SHROOM3: variants seen among roughly 807,000 people sequenced by gnomAD.
The protein encoded by SHROOM3 is protein Shroom3.
Under a neutral mutation model 138.6 loss-of-function variants are expected in SHROOM3, and 47 were observed. The observed-to-expected ratio is 0.34, with a 90% CI of 0.27 to 0.43. The LOEUF (loss-of-function observed/expected upper bound fraction) is 0.43, where lower values mean the gene tolerates loss of function less well. Among genes scored for constraint, SHROOM3 ranks in the 20% least tolerant of loss-of-function variants. The probability of loss-of-function intolerance (pLI) is 1.00; values close to 1 mark genes in which losing one functional copy is unlikely to be tolerated. For missense variants in SHROOM3, 2,491 were observed against 2,596.5 expected, an observed-to-expected ratio of 0.96 and a Z score of 0.88; for synonymous variants, 1,062 against 1,063.3, an observed-to-expected ratio of 1.00 and a Z score of 0.02.
chr4:76,779,156 A>G lies in SHROOM3; in HGVS notation c.5970A>G (p.Pro1990=). 6.2e-7 allele frequency: 1 copy of G among 1,611,612 alleles called. No individual in the cohort carries two copies. Among genetic ancestry groups the G allele is most frequent in the Admixed American group, 1.7e-5 (1 of 59,808 alleles). The part of the protein sequence containing the change: ...AGGCTFSGIF[P]TLTSPL The stretch of plus-strand genomic sequence containing the variant: ...GCTGTACTTTCAGTGGTATTTTCCC[A>G]ACATTAACCTCTCCACTTTAACCTC... Residue 1990 remains proline (P), a synonymous_variant, in exon 11 of 11, where the codon CCA becomes CCG. Transcript: ENST00000296043.
At position 76,513,381 on chromosome 4, in the gene SHROOM3, T is replaced by G. The variant is rs146938299; in HGVS notation, c.169-42228T>G. On this transcript the variant is annotated intron_variant, in intron 1 of 10. Coordinates refer to ENST00000296043, the MANE Select transcript of SHROOM3 (RefSeq NM_020859.4). ...CTCTGTTACCCATGCCAGCATGATA[T>G]TGGCTCACTGCAACCTCTGCCTCCC... 5.7e-3 allele frequency among the ~76,000 whole-genome samples: 866 copies of G among 152,234 alleles called. 9 individuals carry two copies. The highest frequency in any genetic ancestry group is 0.02 in the African/African-American group (827 of 41,540).
chr4:76,763,103 A>C (rs974743060), intron 9 of SHROOM3, among the ~76,000 whole-genome samples: 4 of 152,162 alleles, frequency 2.6e-5, no homozygotes, highest in Admixed American at 2.6e-4. Flanking sequence ...CACCAAGCTT[A>C]AGCCAGGCAC....
chr4:76,719,332 A>G (rs966687626), intron 3 of SHROOM3, among the ~76,000 whole-genome samples: 4 of 152,340 alleles, frequency 2.6e-5, no homozygotes, highest in African/African-American at 9.6e-5. Context: ...ATCATATCTG[A>G]TATCTGGAGA....
intron 6 of SHROOM3, 41 bp from the exon 7 acceptor site, chr4:76,754,270 T>C (rs201380845): frequency 3.8e-5 from 61 of 1,613,788 alleles, no homozygotes; most frequent in Non-Finnish European, 5.0e-5. Context: ...GTTTGCCCCT[T>C]TCTTCAGAGC....
chr4:76,516,748 C>G (rs558063725), intron 1 of SHROOM3, among the ~76,000 whole-genome samples: 4 of 152,264 alleles, frequency 2.6e-5, no homozygotes, highest in Non-Finnish European at 5.9e-5. Context: ...ATCTGATTTT[C>G]TAAGTTTCTG....
chr4:76,630,936 C>A (rs2110072719), intron 2 of SHROOM3, among the ~76,000 whole-genome samples: 1 of 152,244 alleles, frequency 6.6e-6, no homozygotes, highest in African/African-American at 2.4e-5. Context: ...AACTGCTGTT[C>A]CACTTAGAGA....
chr4:76,754,698 C>A lies in SHROOM3; in HGVS notation c.4215C>A (p.Gly1405=), dbSNP rs753810177. ...TQPPGPRGCE[G]DGPEHGVEEG... Reference sequence around the variant, plus strand: ...CTCCCGGTCCAAGAGGCTGTGAGGGCGATGGCCCAGAGCATGGGGTAGAAG... The same window carrying A: ...CTCCCGGTCCAAGAGGCTGTGAGGGAGATGGCCCAGAGCATGGGGTAGAAG... The change falls in exon 7 of 11, where the codon GGC becomes GGA. Residue 1405 remains glycine (G), a synonymous_variant. Transcript: ENST00000296043. 6.2e-7 allele frequency: 1 copy of A among 1,614,028 alleles called. No individual in the cohort carries two copies. The highest frequency in any genetic ancestry group is 8.5e-7 in the Non-Finnish European group (1 of 1,180,032).
intron 1 of SHROOM3, among the ~76,000 whole-genome samples, chr4:76,469,298 T>C (rs1331501519): frequency 6.6e-6 from 1 of 152,186 alleles, no homozygotes; most frequent in African/African-American, 2.4e-5. Flanking sequence ...AGAACTGATA[T>C]GGCCAACCTC....
intron 1 of SHROOM3, among the ~76,000 whole-genome samples, chr4:76,513,170 G>A (rs1376423773): frequency 6.6e-6 from 1 of 152,058 alleles, no homozygotes; most frequent in Non-Finnish European, 1.5e-5. Flanking sequence ...TCTACTGTCG[G>A]GTCTTTCATG....
chr4:76,507,286 A>G (rs1015554617), intron 1 of SHROOM3, among the ~76,000 whole-genome samples: 3 of 152,228 alleles, frequency 2.0e-5, no homozygotes. Context: ...CATATGACCA[A>G]ATAACACATG....
chr4:76,682,612 G>T (rs1320456108), intron 2 of SHROOM3, among the ~76,000 whole-genome samples: 4 of 151,882 alleles, frequency 2.6e-5, no homozygotes, highest in Non-Finnish European at 5.9e-5. Flanking sequence ...ATTGAAATGG[G>T]TCAAGGAGAG....
At chr4:76,477,216 C>CT (rs1560517971) in intron 1 of SHROOM3, among the ~76,000 whole-genome samples, 1 of 152,036 alleles carries the variant, frequency 6.6e-6, no homozygotes, top group African/African-American at 2.4e-5. Context: ...ATCCACCCCC[C>CT]ACTCGGCCTC....
At position 76,775,816 on chromosome 4, in the gene SHROOM3, TAC is replaced by T. The variant is rs142788916; in HGVS notation, c.5623-2977_5623-2976del. Among the ~76,000 whole-genome samples the T allele has an allele frequency of 3.1e-3, 464 of 149,534 alleles. 2 individuals carry two copies. Among genetic ancestry groups the T allele is most frequent in the Non-Finnish European group, 3.4e-3 (227 of 67,228 alleles). ...TATATATACACACATACTATATATATACACACACACACACACATACATATATA... is the reference window on the plus strand; with the variant it reads ...TATATATACACACATACTATATATATACACACACACACACATACATATATA... On this transcript the variant is annotated intron_variant, in intron 10 of 10. Coordinates refer to ENST00000296043, the MANE Select transcript of SHROOM3 (RefSeq NM_020859.4).
intron 10 of SHROOM3, among the ~76,000 whole-genome samples, chr4:76,774,920 A>G (rs62303168): frequency 0.024 from 3,609 of 151,802 alleles, 70 homozygotes; most frequent in Non-Finnish European, 0.035. Flanking sequence ...AAGTGATCTT[A>G]TTTCTTGATT....
intron 2 of SHROOM3, among the ~76,000 whole-genome samples, chr4:76,647,070 T>C (rs551972273): frequency 3.3e-5 from 5 of 152,328 alleles, no homozygotes; most frequent in Admixed American, 3.3e-4. Flanking sequence ...TGGAATACTA[T>C]TTGGCCATAA....
intron 2 of SHROOM3, among the ~76,000 whole-genome samples, chr4:76,665,333 T>A (rs1434485937): frequency 6.6e-6 from 1 of 152,170 alleles, no homozygotes; most frequent in Non-Finnish European, 1.5e-5. Context: ...CTCTGCCATT[T>A]ATAGCTTGTG....
chr4:76,761,556 C>T lies in SHROOM3; in HGVS notation c.5349+1861C>T, dbSNP rs561978486. ...TAATAGATGCTAAAGTCAGATTTAACCTTATGTCTTTCTGACCCCAAAGCC... is the reference window on the plus strand; with the variant it reads ...TAATAGATGCTAAAGTCAGATTTAATCTTATGTCTTTCTGACCCCAAAGCC... On this transcript the variant is annotated intron_variant, in intron 9 of 10. Coordinates refer to ENST00000296043, the MANE Select transcript of SHROOM3 (RefSeq NM_020859.4). Among the ~76,000 whole-genome samples, 4 of 152,274 alleles carry T rather than the reference C, an allele frequency of 2.6e-5. No individual in the cohort carries two copies. The East Asian group carries it at 7.7e-4, about 29-fold the overall frequency.
At chr4:76,700,446 C>T (rs906750046) in intron 2 of SHROOM3, among the ~76,000 whole-genome samples, 1 of 152,156 alleles carries the variant, frequency 6.6e-6, no homozygotes, top group Non-Finnish European at 1.5e-5. Flanking sequence ...CTGGGGGAAG[C>T]AAGTGTCTAC....
intron 1 of SHROOM3, among the ~76,000 whole-genome samples, chr4:76,525,491 C>G (rs1732670278): frequency 6.6e-6 from 1 of 152,132 alleles, no homozygotes; most frequent in African/African-American, 2.4e-5. Flanking sequence ...ATTACTATTT[C>G]TTTTAATCTT....
Sources: gnomAD v4.1 joint callset for allele counts (sites outside exome capture counted in the v4.1 genomes callset) on GRCh38, gnomAD v4.1.1 for gene constraint, MANE v1.5 for transcripts, NCBI Gene and HGNC (gene_info 2026-07-23, HGNC 2026-07-21) for gene names.